TLN2: variants seen among roughly 807,000 people sequenced by gnomAD.
TLN2 encodes talin 2, also known as talin-2.
A neutral mutation model predicts 294.7 loss-of-function variants in TLN2; 118 were observed. The observed-to-expected ratio is 0.40, with a 90% CI of 0.34 to 0.47. The LOEUF (loss-of-function observed/expected upper bound fraction) is 0.47. TLN2 is among the 20% of genes least tolerant of loss of function. The probability of loss-of-function intolerance (pLI) is 0.84; values close to 1 mark genes in which losing one functional copy is unlikely to be tolerated. For missense variants in TLN2, 3,083 were observed against 3,282.2 expected (o/e 0.94, Z 1.48); for synonymous variants, 1,431 against 1,304.5 (o/e 1.10, Z -2.09).
intron 51 of TLN2, among the ~76,000 whole-genome samples, chr15:62,806,323 G>A (rs2066282278): frequency 6.6e-6 from 1 of 152,154 alleles, no homozygotes; most frequent in African/African-American, 2.4e-5. Context: ...CTTCTTTCTA[G>A]TTCTTCCTAA....
At chr15:62,536,740 A>G (rs1355286145) in intron 1 of TLN2, among the ~76,000 whole-genome samples, 1 of 152,180 alleles carries the variant, frequency 6.6e-6, no homozygotes, top group African/African-American at 2.4e-5. Flanking sequence ...AGCTATTCGC[A>G]AGAATAGGTG....
In TLN2 at chr15:62,674,442, T is replaced by G. The variant is rs2055884257; in HGVS notation, c.852+552T>G. On this transcript the variant is annotated intron_variant, in intron 10 of 58. Coordinates refer to ENST00000636159, the MANE Select transcript of TLN2 (RefSeq NM_015059.3). Reference sequence around the variant, plus strand: ...AAATTTCATGCGTATAAAACATTCTTTTCTCCAGTATTGTTTCTGAGTACT... The same window carrying G: ...AAATTTCATGCGTATAAAACATTCTGTTCTCCAGTATTGTTTCTGAGTACT... Among the ~76,000 whole-genome samples, 9 of 152,284 alleles carry G rather than the reference T, an allele frequency of 5.9e-5. No homozygotes were observed. The South Asian group carries it at 1.9e-3, about 32-fold the overall frequency.
intron 32 of TLN2, among the ~76,000 whole-genome samples, chr15:62,748,139 A>C (rs1339709506): frequency 6.6e-6 from 1 of 152,148 alleles, no homozygotes; most frequent in Non-Finnish European, 1.5e-5. Flanking sequence ...CAGATCTAGC[A>C]AATGAATAAT....
chr15:62,544,844 G>GT (rs996097729), intron 1 of TLN2, among the ~76,000 whole-genome samples: 101 of 149,284 alleles, frequency 6.8e-4, no homozygotes, highest in African/African-American at 2.3e-3. Flanking sequence ...TTTATTCTTA[G>GT]TTTTTTTTTC....
rs1178966258 is a variant in TLN2 at position 62,840,550 on chromosome 15, C to G, written c.7569C>G (p.Ala2523=). The G allele has an allele frequency of 1.2e-6, 2 of 1,614,020 alleles. No homozygotes were observed. The highest frequency in any genetic ancestry group is 1.7e-6 in the Non-Finnish European group (2 of 1,180,020). The change falls in exon 59 of 59, where the codon GCC becomes GCG. Residue 2523 remains alanine, a synonymous_variant. Coordinates refer to ENST00000636159, the MANE Select transcript of TLN2 (RefSeq NM_015059.3). The stretch of plus-strand genomic sequence containing the variant: ...TGGAAGAAGCAAGGAAAAAACTGGC[C>G]CAAATCCGCCAGCAGCAGTATAAGT... ...RELEEARKKL[A]QIRQQQYKFL...
chr15:62,412,765 C>G (rs1274712945), intron 1 of TLN2, among the ~76,000 whole-genome samples: 1 of 152,238 alleles, frequency 6.6e-6, no homozygotes, highest in African/African-American at 2.4e-5. Context: ...TCCTCCTTCT[C>G]TAAGCACAAT....
chr15:62,579,646 C>T (rs373830264), intron 1 of TLN2, among the ~76,000 whole-genome samples: 14 of 152,124 alleles, frequency 9.2e-5, no homozygotes, highest in African/African-American at 3.1e-4. Flanking sequence ...TTCATAGGAA[C>T]GTGTCCCCTG....
chr15:62,459,000 ATTTT>A (rs572352519), intron 1 of TLN2, among the ~76,000 whole-genome samples: 1 of 147,776 alleles, frequency 6.8e-6, no homozygotes, highest in Non-Finnish European at 1.5e-5. Context: ...AGTAGACTCT[ATTTT>A]TTTTTTCTTT....
At chr15:62,818,962 C>G (rs2067334501) in intron 52 of TLN2, among the ~76,000 whole-genome samples, 1 of 152,104 alleles carries the variant, frequency 6.6e-6, no homozygotes, top group Non-Finnish European at 1.5e-5. Flanking sequence ...CTCAAGAGAT[C>G]TTCCCACCTC....
intron 38 of TLN2, 83 bp from the exon 39 acceptor site, chr15:62,762,189 G>A: frequency 1.4e-6 from 2 of 1,475,588 alleles, no homozygotes; most frequent in Non-Finnish European, 1.9e-6. Context: ...TGGTGATTTG[G>A]CAAAGAACAG....
At chr15:62,730,617 C>T (rs2060671573) in intron 28 of TLN2, among the ~76,000 whole-genome samples, 1 of 152,228 alleles carries the variant, frequency 6.6e-6, no homozygotes, top group Non-Finnish European at 1.5e-5. Flanking sequence ...TGGATAATAT[C>T]ACTTACACAA....
At chr15:62,791,659 C>T (rs769215124) in intron 45 of TLN2, among the ~76,000 whole-genome samples, 1 of 152,146 alleles carries the variant, frequency 6.6e-6, no homozygotes, top group Non-Finnish European at 1.5e-5. Flanking sequence ...CATAACTATT[C>T]CTGATAGACG....
intron 9 of TLN2, among the ~76,000 whole-genome samples, chr15:62,673,094 G>GTGTGTGTGTGTGTGTGTC (rs1326273000): frequency 6.6e-6 from 1 of 150,580 alleles, no homozygotes; most frequent in Non-Finnish European, 1.5e-5. Context: ...GTGTGTGTGT[G>GTGTGTGTGTGTGTGTGTC]TGTGTCTGTG....
intron 1 of TLN2, among the ~76,000 whole-genome samples, chr15:62,568,357 G>A (rs1354905545): frequency 6.6e-6 from 1 of 152,218 alleles, no homozygotes; most frequent in African/African-American, 2.4e-5. Flanking sequence ...ATCGCATTCT[G>A]TCTATGCTTC....
At position 62,647,956 on chromosome 15, in the gene TLN2, C is replaced by G. The variant is rs139684603; in HGVS notation, c.136+510C>G. On this transcript the variant is annotated intron_variant, in intron 4 of 58. Transcript: ENST00000636159. The stretch of plus-strand genomic sequence containing the variant: ...GAAGTTTGGCTAAATCACTCATCCC[C>G]GTTAATCTGAGTTTAAACAAAAGCC... 4.3e-3 allele frequency among the ~76,000 whole-genome samples: 662 copies of G among 152,236 alleles called. 5 individuals are homozygous for G. Among genetic ancestry groups the G allele is most frequent in the Non-Finnish European group, 7.2e-3 (490 of 68,010 alleles).
At chr15:62,436,107 A>G (rs2035274764) in intron 1 of TLN2, among the ~76,000 whole-genome samples, 1 of 152,182 alleles carries the variant, frequency 6.6e-6, no homozygotes, top group Admixed American at 6.5e-5. Flanking sequence ...TGCTTTCTGC[A>G]TCACAGATGT....
intron 1 of TLN2, among the ~76,000 whole-genome samples, chr15:62,587,949 C>G (rs924162449): frequency 6.6e-6 from 1 of 152,018 alleles, no homozygotes; most frequent in African/African-American, 2.4e-5. Context: ...GGCGTGATCT[C>G]GGCTCACTGC....
At chr15:62,829,349 A>C (rs2068542200) in intron 54 of TLN2, 1 of 152,090 alleles carries the variant, frequency 6.6e-6, no homozygotes, top group South Asian at 2.1e-4. Context: ...AGGGGAAGCA[A>C]GATACATCTT....
chr15:62,753,952 TA>T, intron 36 of TLN2, 36 bp downstream of exon 36: 1 of 1,515,968 alleles, frequency 6.6e-7, no homozygotes, highest in Non-Finnish European at 8.9e-7. Flanking sequence ...TTCAAGCCCT[TA>T]AGCAGCTCCT....
Sources: gnomAD v4.1 joint callset for allele counts (sites outside exome capture counted in the v4.1 genomes callset) on GRCh38, gnomAD v4.1.1 for gene constraint, MANE v1.5 for transcripts, NCBI Gene and HGNC (gene_info 2026-07-23, HGNC 2026-07-21) for gene names.